Variants in LMLN observed in about 807,000 individuals in gnomAD.
LMLN encodes the protein leishmanolysin-like peptidase.
LMLN carries 70 observed loss-of-function variants against 92.3 expected under a neutral mutation model. The observed-to-expected ratio is 0.76, with a 90% CI of 0.63 to 0.92. The LOEUF (loss-of-function observed/expected upper bound fraction) is 0.92. Among genes scored for constraint, LMLN ranks in the 40% least tolerant of loss-of-function variants. LMLN has a pLI of 0.00. For missense variants in LMLN, 691 were observed against 814.6 expected (o/e 0.85, Z 1.85); for synonymous variants, 308 against 296.2 (o/e 1.04, Z -0.41).
intron 11 of LMLN, among the ~76,000 whole-genome samples, chr3:198,008,143 T>C (rs1722343047): frequency 6.6e-6 from 1 of 152,176 alleles, no homozygotes; most frequent in South Asian, 2.1e-4. Flanking sequence ...TATTATTTTG[T>C]TGTGGATTTT....
intron 15 of LMLN, 149 bp from the exon 17 acceptor site, chr3:198,038,418 T>A: frequency 1.7e-6 from 1 of 595,410 alleles, no homozygotes; most frequent in Non-Finnish European, 3.0e-6. Flanking sequence ...CAAAAACTTT[T>A]TTATACCTGG....
Position 198,042,285 on chromosome 3 carries a change from CG to C in LMLN, c.*3621del, listed in dbSNP as rs1723428389. 1 of 151,630 alleles carries C rather than the reference CG, an allele frequency of 6.6e-6. No homozygotes were observed. The highest frequency in any genetic ancestry group is 1.5e-5 in the Non-Finnish European group (1 of 67,946). 9.4% of individuals were successfully genotyped at this position (151,630 alleles called of 1,614,324 possible). On this transcript the variant is annotated 3_prime_UTR_variant, in exon 16 of 16. Transcript: ENST00000330198. This position sits in a 1 kb window ranked among gnomAD's most constrained non-coding sequence, Gnocchi z 4.2. ...ACTGAAGCCTGTAATCTCAGCACTT[CG>C]GGAGGCCAAGGCAAGCAGATCACGA...
chr3:197,968,661 G>A (rs975078565), intron 1 of LMLN, among the ~76,000 whole-genome samples: 6 of 152,100 alleles, frequency 3.9e-5, no homozygotes, highest in East Asian at 1.9e-4. Flanking sequence ...CGGTCCCTCC[G>A]TTCAGGGTCC....
Position 197,960,799 on chromosome 3 carries a change from C to CAG in LMLN, c.219+360_219+361dup, listed in dbSNP as rs144691370. 2.8e-3 allele frequency among the ~76,000 whole-genome samples: 425 copies of CAG among 152,230 alleles called. 1 individual carries two copies. Among genetic ancestry groups the CAG allele is most frequent in the African/African-American group, 9.5e-3 (394 of 41,524 alleles). Reference sequence around the variant, plus strand: ...GTCTGGGATGAGTCCCCAGAGTTGACAGTTTACGTTCCCAGCTGGTTGGTG... The same window carrying CAG: ...GTCTGGGATGAGTCCCCAGAGTTGACAGAGTTTACGTTCCCAGCTGGTTGGTG... On this transcript the variant is annotated intron_variant, in intron 1 of 15. Transcript: ENST00000330198.
exon 16 of LMLN, chr3:198,043,316 T>C (rs751681973): frequency 6.6e-6 from 1 of 152,566 alleles, no homozygotes; most frequent in Non-Finnish European, 1.5e-5. Context: ...GTGTCTGTGC[T>C]CGGTGCCTTA....
chr3:197,980,169 A>G, intron 5 of LMLN, 157 bp from the exon 6 acceptor site: 1 of 532,074 alleles, frequency 1.9e-6, no homozygotes, highest in Non-Finnish European at 3.3e-6. Context: ...AGAGCTAGGT[A>G]TTGAGTAGAC....
chr3:198,003,125 A>G, intron 11 of LMLN: 1 of 1,504,654 alleles, frequency 6.6e-7, no homozygotes, highest in Non-Finnish European at 9.1e-7. Flanking sequence ...CAGAGACAAA[A>G]GTAAGAATGC....
chr3:197,972,702 A>AT lies in LMLN; in HGVS notation c.220-1662dup, dbSNP rs879501292. On this transcript the variant is annotated intron_variant, in intron 1 of 15. Transcript: ENST00000330198. ...GGATTCTGTTGTATTTCTCTGAATA[A>AT]TTTTTTTTTTTTTGTAGCTGGCGTT... Among the ~76,000 whole-genome samples the AT allele has an allele frequency of 1.0e-2, 1,456 of 146,202 alleles. 17 individuals carry two copies. Among genetic ancestry groups the AT allele is most frequent in the African/African-American group, 0.027 (1,078 of 40,046 alleles).
At chr3:198,035,217 A>G (rs1057186312) in intron 14 of LMLN, among the ~76,000 whole-genome samples, 5 of 149,914 alleles carry the variant, frequency 3.3e-5, no homozygotes, top group Non-Finnish European at 7.4e-5. Context: ...AAAAAAAAAA[A>G]GCTGTATGTG....
chr3:198,008,315 C>T (rs1722347239), intron 11 of LMLN, among the ~76,000 whole-genome samples: 1 of 151,912 alleles, frequency 6.6e-6, no homozygotes, highest in Non-Finnish European at 1.5e-5. Context: ...TATATCCTTC[C>T]AGTAAGAGAG....
intron 7 of LMLN, among the ~76,000 whole-genome samples, chr3:197,984,305 C>T (rs114968967): frequency 0.034 from 5,093 of 152,016 alleles, 109 homozygotes; most frequent in Middle Eastern, 0.065. Context: ...GAGGTTGAGG[C>T]TGCAGTGAGC....
chr3:197,969,649 C>A (rs1461413517), intron 1 of LMLN, among the ~76,000 whole-genome samples: 1 of 152,156 alleles, frequency 6.6e-6, no homozygotes, highest in African/African-American at 2.4e-5. Context: ...GAATGTCCCA[C>A]ACGCACTGAA....
intron 11 of LMLN, among the ~76,000 whole-genome samples, chr3:198,011,791 T>G (rs1722449890): frequency 6.6e-6 from 1 of 152,092 alleles, no homozygotes; most frequent in Admixed American, 6.5e-5. Flanking sequence ...ACCTGTTGTT[T>G]CCTGACTTTT....
At chr3:197,981,148 C>T (rs1019113445) in intron 6 of LMLN, among the ~76,000 whole-genome samples, 4 of 151,794 alleles carry the variant, frequency 2.6e-5, no homozygotes, top group East Asian at 3.9e-4. Context: ...TGGCTCACAC[C>T]TGTAATCCCA....
At chr3:198,032,225 C>T (rs1267592597) in intron 14 of LMLN, among the ~76,000 whole-genome samples, 1 of 152,134 alleles carries the variant, frequency 6.6e-6, no homozygotes, top group Non-Finnish European at 1.5e-5. Context: ...CTTTGATGTC[C>T]GTCCTTTTGA....
At chr3:198,016,695 G>T (rs996460096) in intron 11 of LMLN, among the ~76,000 whole-genome samples, 1 of 151,938 alleles carries the variant, frequency 6.6e-6, no homozygotes, top group African/African-American at 2.4e-5. Flanking sequence ...TTCCCCTTTT[G>T]GTCCCAATTA....
At chr3:197,975,158 A>G (rs1200465900) in intron 3 of LMLN, 86 bp downstream of exon 3, 25 of 746,308 alleles carry the variant, frequency 3.3e-5, no homozygotes, top group Non-Finnish European at 5.5e-5. Context: ...AAATATATAC[A>G]TGACTTTTGT....
chr3:197,973,351 C>T (rs941091682), intron 1 of LMLN, among the ~76,000 whole-genome samples: 2 of 151,942 alleles, frequency 1.3e-5, no homozygotes, highest in Admixed American at 6.6e-5. Context: ...TAGCAATTCT[C>T]CTGCCTCACC....
chr3:198,013,684 C>T (rs551040773), intron 11 of LMLN, among the ~76,000 whole-genome samples: 42 of 111,956 alleles, frequency 3.8e-4, no homozygotes, highest in Non-Finnish European at 5.7e-4. Flanking sequence ...GACTTCTCTC[C>T]ACCCTTCAGA....
Sources: gnomAD v4.1 joint callset for allele counts (sites outside exome capture counted in the v4.1 genomes callset) on GRCh38, gnomAD v4.1.1 for gene constraint, Gnocchi (gnomAD v3.1) non-coding constraint, MANE v1.5 for transcripts, NCBI Gene and HGNC (gene_info 2026-07-23, HGNC 2026-07-21) for gene names.